The following NSMCE2 variants were observed in gnomAD, a reference collection of about 807,000 sequenced individuals.
The protein encoded by NSMCE2 is E3 SUMO-protein ligase NSE2.
In NSMCE2, 24 loss-of-function variants were observed where a neutral mutation model predicts 23.8. That is an observed-to-expected ratio of 1.01 (90% CI 0.73 to 1.42). NSMCE2 has a LOEUF of 1.42. NSMCE2 is among the 40% of genes most tolerant of loss of function. NSMCE2 has a pLI of 0.00. For missense variants in NSMCE2, 284 were observed against 296.5 expected (o/e 0.96, Z 0.31); for synonymous variants, 92 against 94.1 (o/e 0.98, Z 0.13).
intron 1 of NSMCE2, among the ~76,000 whole-genome samples, chr8:125,095,661 G>A (rs940921465): frequency 3.3e-5 from 5 of 151,940 alleles, no homozygotes; most frequent in Non-Finnish European, 7.4e-5. Flanking sequence ...TTGGGAGGCC[G>A]AGGCCGGTGG....
intron 4 of NSMCE2, among the ~76,000 whole-genome samples, chr8:125,179,327 A>G (rs1586571647): frequency 6.6e-6 from 1 of 152,244 alleles, no homozygotes; most frequent in East Asian, 1.9e-4. Flanking sequence ...ACAGAGCCCG[A>G]CCCTGTCTCT....
chr8:125,348,601 G>A (rs1456972179), intron 5 of NSMCE2: 5 of 152,034 alleles, frequency 3.3e-5, no homozygotes, highest in African/African-American at 9.7e-5. Flanking sequence ...TCATGGGGGC[G>A]GTGTCCTCCC....
At chr8:125,186,276 G>T (rs1455177475) in intron 5 of NSMCE2, among the ~76,000 whole-genome samples, 1 of 152,178 alleles carries the variant, frequency 6.6e-6, no homozygotes, top group Non-Finnish European at 1.5e-5. Flanking sequence ...GCAGGGTTGA[G>T]TGAGTGCATC....
chr8:125,128,657 T>C (rs1326834117), intron 3 of NSMCE2, among the ~76,000 whole-genome samples: 1 of 152,218 alleles, frequency 6.6e-6, no homozygotes, highest in Non-Finnish European at 1.5e-5. Flanking sequence ...TGTGCCTTTC[T>C]GGAGGCTCCA....
At chr8:125,151,555 A>G (rs375967233) in intron 4 of NSMCE2, among the ~76,000 whole-genome samples, 2 of 152,138 alleles carry the variant, frequency 1.3e-5, no homozygotes, top group African/African-American at 4.8e-5. Flanking sequence ...ATGTGAGGAG[A>G]TTTTTATAAA....
chr8:125,139,111 C>T (rs575668451), intron 3 of NSMCE2, among the ~76,000 whole-genome samples: 13 of 152,240 alleles, frequency 8.5e-5, no homozygotes, highest in Admixed American at 6.5e-4. Flanking sequence ...AACTGTTCAG[C>T]GGTGGAACAA....
intron 4 of NSMCE2, among the ~76,000 whole-genome samples, chr8:125,157,816 GCCTTAATGT>G (rs1327307415): frequency 5.3e-5 from 8 of 152,090 alleles, no homozygotes; most frequent in Non-Finnish European, 1.2e-4. Flanking sequence ...CTGTTACTGG[GCCTTAATGT>G]GCCTCTAGTG....
At chr8:125,282,115 A>AT (rs11365667) in intron 5 of NSMCE2, among the ~76,000 whole-genome samples, 1,541 of 147,114 alleles carry the variant, frequency 0.01, 35 homozygotes, top group African/African-American at 0.034. Context: ...TCATCCCTTA[A>AT]TTTTTTTTTT....
At chr8:125,259,184 C>G (rs1826573082) in intron 5 of NSMCE2, among the ~76,000 whole-genome samples, 1 of 151,930 alleles carries the variant, frequency 6.6e-6, no homozygotes, top group African/African-American at 2.4e-5. Context: ...GCCACTGTAC[C>G]TGGCCTACTC....
intron 5 of NSMCE2, among the ~76,000 whole-genome samples, chr8:125,267,636 T>A (rs982943515): frequency 6.6e-6 from 1 of 152,074 alleles, no homozygotes; most frequent in Admixed American, 6.5e-5. Flanking sequence ...ATTAACCAAG[T>A]GTGGCTGTGC....
intron 3 of NSMCE2, among the ~76,000 whole-genome samples, chr8:125,146,333 A>G (rs772989372): frequency 5.9e-5 from 9 of 152,172 alleles, no homozygotes; most frequent in Non-Finnish European, 1.3e-4. Flanking sequence ...GCTGCTAACT[A>G]CCTTTGTGGC....
At chr8:125,165,893 A>G (rs1821850845) in intron 4 of NSMCE2, among the ~76,000 whole-genome samples, 1 of 152,234 alleles carries the variant, frequency 6.6e-6, no homozygotes, top group Non-Finnish European at 1.5e-5. Flanking sequence ...TCAGGGAGCC[A>G]TATTAATTAT....
chr8:125,339,505 T>C (rs2131320426), intron 5 of NSMCE2, among the ~76,000 whole-genome samples: 1 of 152,250 alleles, frequency 6.6e-6, no homozygotes, highest in South Asian at 2.1e-4. Context: ...TAAATAATCA[T>C]AATCCTGGGA....
At chr8:125,190,564 G>A (rs1823300234) in intron 5 of NSMCE2, among the ~76,000 whole-genome samples, 1 of 152,180 alleles carries the variant, frequency 6.6e-6, no homozygotes, top group Admixed American at 6.5e-5. Context: ...TCAAATTAAA[G>A]GATTGATTCC....
intron 3 of NSMCE2, among the ~76,000 whole-genome samples, chr8:125,130,698 T>C (rs140661455): frequency 1.3e-3 from 192 of 152,340 alleles, no homozygotes; most frequent in African/African-American, 4.4e-3. Flanking sequence ...TATGTGTACA[T>C]ACATACCTGT....
chr8:125,143,540 A>T (rs1206345909), intron 3 of NSMCE2, among the ~76,000 whole-genome samples: 1 of 152,224 alleles, frequency 6.6e-6, no homozygotes, highest in Non-Finnish European at 1.5e-5. Context: ...CAACCCCTTA[A>T]GAACACTAAA....
intron 5 of NSMCE2, among the ~76,000 whole-genome samples, chr8:125,200,252 C>T (rs1237069452): frequency 6.6e-6 from 1 of 152,166 alleles, no homozygotes; most frequent in African/African-American, 2.4e-5. Context: ...TTAATTGATG[C>T]AGTTTCTTCC....
intron 5 of NSMCE2, among the ~76,000 whole-genome samples, chr8:125,227,735 G>A (rs1394833865): frequency 1.3e-5 from 2 of 152,058 alleles, no homozygotes; most frequent in African/African-American, 4.8e-5. Context: ...AAAGATTCAG[G>A]TAATATAGAG....
chr8:125,218,978 G>T (rs1048052694), intron 5 of NSMCE2, among the ~76,000 whole-genome samples: 9 of 152,090 alleles, frequency 5.9e-5, no homozygotes, highest in African/African-American at 2.2e-4. Flanking sequence ...CAAATTTTCT[G>T]CAGTTTTTGC....
Sources: allele counts gnomAD v4.1 joint callset (sites outside exome capture counted in the v4.1 genomes callset), GRCh38; gene constraint gnomAD v4.1.1; transcripts MANE v1.5; gene names NCBI Gene and HGNC (gene_info 2026-07-23, HGNC 2026-07-21).